Variants in RYR2 observed in about 807,000 individuals in gnomAD.
RYR2 encodes the protein cardiac muscle ryanodine receptor-calcium release channel.
In RYR2, 227 loss-of-function variants were observed where a neutral mutation model predicts 601.1. That is an observed-to-expected ratio of 0.38 (90% CI 0.34 to 0.42). The LOEUF (loss-of-function observed/expected upper bound fraction) is 0.42. RYR2 is among the 10% of genes least tolerant of loss of function. RYR2 has a pLI of 1.00. For missense variants in RYR2, 4,646 were observed against 6,156.5 expected (o/e 0.75, Z 8.21); for synonymous variants, 2,223 against 2,175.1 (o/e 1.02, Z -0.61).
chr1:237,624,681 G>A (rs1679455074), intron 39 of RYR2, among the ~76,000 whole-genome samples: 1 of 152,050 alleles, frequency 6.6e-6, no homozygotes, highest in Admixed American at 6.5e-5. Flanking sequence ...ATCTGTTAAG[G>A]GAAGTCTCCC....
intron 58 of RYR2, among the ~76,000 whole-genome samples, chr1:237,669,512 C>A (rs945080085): frequency 3.4e-5 from 3 of 87,718 alleles, no homozygotes; most frequent in Admixed American, 1.4e-4. Context: ...GGGGCTGACC[C>A]CCCCCACCTC....
chr1:237,565,227 T>C (rs1005456214), intron 27 of RYR2, among the ~76,000 whole-genome samples: 1 of 139,294 alleles, frequency 7.2e-6, no homozygotes, highest in Non-Finnish European at 1.6e-5. Flanking sequence ...TTCTTTCTTT[T>C]GTCTTTCTTT....
chr1:237,827,817 G>T (rs925196482), intron 101 of RYR2, among the ~76,000 whole-genome samples: 1 of 151,030 alleles, frequency 6.6e-6, no homozygotes, highest in Non-Finnish European at 1.5e-5. Context: ...TGTGCCTGTA[G>T]TCCCAGCTGC....
chr1:237,264,954 G>A (rs886227298), intron 1 of RYR2, among the ~76,000 whole-genome samples: 3 of 151,666 alleles, frequency 2.0e-5, no homozygotes, highest in Non-Finnish European at 2.9e-5. Context: ...CACCTGCCTC[G>A]GCCTCCCAAA....
In RYR2 at chr1:237,081,519, A is replaced by G. The variant is rs554476477; in HGVS notation, c.48+38950A>G. Among the ~76,000 whole-genome samples the G allele has an allele frequency of 2.5e-3, 385 of 151,632 alleles. 2 individuals carry two copies. Among genetic ancestry groups the G allele is most frequent in the African/African-American group, 9.0e-3 (372 of 41,344 alleles). On this transcript the variant is annotated intron_variant, in intron 1 of 104. Coordinates refer to ENST00000366574, the MANE Select transcript of RYR2 (RefSeq NM_001035.3). ...ATATAAATACACCCCCCACATATAT[A>G]TATATATATACATGCATGTATACAT...
intron 1 of RYR2, among the ~76,000 whole-genome samples, chr1:237,182,447 C>A (rs1318849542): frequency 6.6e-6 from 1 of 152,082 alleles, no homozygotes; most frequent in Non-Finnish European, 1.5e-5. Flanking sequence ...AATCATATAC[C>A]CTGCCTCACC....
At chr1:237,124,181 G>T (rs921821040) in intron 1 of RYR2, among the ~76,000 whole-genome samples, 1 of 152,146 alleles carries the variant, frequency 6.6e-6, no homozygotes, top group South Asian at 2.1e-4. Context: ...GCAATGATTT[G>T]CCCAAAGCCT....
At position 237,414,838 on chromosome 1, in the gene RYR2, G is replaced by A. The variant is rs374641026; in HGVS notation, c.774-2211G>A. ...TCTTAGCAACATGGTTGAGCCTAGAGGACGTATGTTAAGTGAGATAAGCAA... is the reference window on the plus strand; with the variant it reads ...TCTTAGCAACATGGTTGAGCCTAGAAGACGTATGTTAAGTGAGATAAGCAA... On this transcript the variant is annotated intron_variant, in intron 10 of 104. Transcript: ENST00000366574. 7.9e-5 allele frequency among the ~76,000 whole-genome samples: 12 copies of A among 152,272 alleles called. No individual in the cohort carries two copies. In the East Asian group the frequency reaches 9.6e-4, roughly 12 times the overall value.
At chr1:237,769,613 C>A (rs1280995814) in intron 84 of RYR2, among the ~76,000 whole-genome samples, 1 of 152,082 alleles carries the variant, frequency 6.6e-6, no homozygotes, top group Non-Finnish European at 1.5e-5. Context: ...TCACAGACTG[C>A]GGACTGGTAA....
chr1:237,070,245 T>G (rs913752984), intron 1 of RYR2, among the ~76,000 whole-genome samples: 1 of 152,020 alleles, frequency 6.6e-6, no homozygotes, highest in African/African-American at 2.4e-5. Context: ...TCTTGCAGGC[T>G]GACTTGAAGC....
chr1:237,519,497 G>A (rs2147845555), intron 24 of RYR2, among the ~76,000 whole-genome samples: 1 of 152,240 alleles, frequency 6.6e-6, no homozygotes, highest in East Asian at 1.9e-4. Flanking sequence ...TTCTGCATAT[G>A]GCCATCCAGT....
At chr1:237,486,638 A>G (rs1238778264) in intron 17 of RYR2, among the ~76,000 whole-genome samples, 1 of 152,204 alleles carries the variant, frequency 6.6e-6, no homozygotes, top group African/African-American at 2.4e-5. Flanking sequence ...TGAATTGACT[A>G]AGTATTGAGA....
At chr1:237,677,992 A>C in intron 60 of RYR2, 56 bp from the exon 61 acceptor site, 1 of 995,798 alleles carries the variant, frequency 1.0e-6, no homozygotes, top group Non-Finnish European at 1.6e-6. Context: ...ATTATGGATG[A>C]ATATCTTGCA....
intron 2 of RYR2, among the ~76,000 whole-genome samples, chr1:237,281,559 C>T (rs1306466256): frequency 6.6e-6 from 1 of 152,190 alleles, no homozygotes; most frequent in African/African-American, 2.4e-5. Flanking sequence ...TATTTTAATC[C>T]ACCTAACCTG....
chr1:237,680,629 T>C, intron 62 of RYR2, 52 bp downstream of exon 62: 2 of 1,469,656 alleles, frequency 1.4e-6, no homozygotes, highest in Non-Finnish European at 1.8e-6. Flanking sequence ...GTATATGCAG[T>C]TGCAAAGAAA....
chr1:237,564,816 A>C (rs1315107053), intron 27 of RYR2, among the ~76,000 whole-genome samples: 1 of 152,216 alleles, frequency 6.6e-6, no homozygotes, highest in South Asian at 2.1e-4. Context: ...ACCATTATCA[A>C]AAAAGCAGTT....
At chr1:237,779,039 C>G (rs1694887168) in intron 88 of RYR2, among the ~76,000 whole-genome samples, 1 of 152,090 alleles carries the variant, frequency 6.6e-6, no homozygotes, top group Non-Finnish European at 1.5e-5. Flanking sequence ...ACAAATGAAA[C>G]AGTCGAGTCC....
chr1:237,733,596 A>G, intron 78 of RYR2, 109 bp from the exon 79 acceptor site: 1 of 723,412 alleles, frequency 1.4e-6, no homozygotes, highest in Admixed American at 2.2e-5. Context: ...AATTTTAAAA[A>G]GGTATACTTG....
chr1:237,637,951 G>A (rs1205025194), intron 44 of RYR2, among the ~76,000 whole-genome samples: 2 of 152,054 alleles, frequency 1.3e-5, no homozygotes, highest in Non-Finnish European at 2.9e-5. Flanking sequence ...AAAACAGAAG[G>A]CACCGCGGGC....
Sources: gnomAD v4.1 joint callset for allele counts (sites outside exome capture counted in the v4.1 genomes callset) on GRCh38, gnomAD v4.1.1 for gene constraint, MANE v1.5 for transcripts, NCBI Gene and HGNC (gene_info 2026-07-23, HGNC 2026-07-21) for gene names.